Variants in MEI1 observed in about 807,000 individuals in gnomAD.
MEI1 encodes the protein meiotic double-stranded break formation protein 1.
A neutral mutation model predicts 146.2 loss-of-function variants in MEI1; 103 were observed. That is an observed-to-expected ratio of 0.70 (90% CI 0.60 to 0.83). The LOEUF (loss-of-function observed/expected upper bound fraction) is 0.83, where lower values mean the gene tolerates loss of function less well. Among genes scored for constraint, MEI1 ranks in the 40% least tolerant of loss-of-function variants. The probability of loss-of-function intolerance (pLI) is 0.00; values close to 1 mark genes in which losing one functional copy is unlikely to be tolerated. For missense variants in MEI1, 1,529 were observed against 1,533.0 expected (o/e 1.00, Z 0.04); for synonymous variants, 652 against 628.2 (o/e 1.04, Z -0.57).
intron 7 of MEI1, among the ~76,000 whole-genome samples, chr22:41,727,960 A>C (rs1386918045): frequency 6.6e-6 from 1 of 152,156 alleles, no homozygotes; most frequent in African/African-American, 2.4e-5. Flanking sequence ...CCCAGAAGGA[A>C]AACAGGTATT....
At chr22:41,724,472 G>A (rs921164404) in intron 7 of MEI1, among the ~76,000 whole-genome samples, 1 of 152,134 alleles carries the variant, frequency 6.6e-6, no homozygotes, top group African/African-American at 2.4e-5. Flanking sequence ...ACAAACATTA[G>A]CTGGGCGTGG....
intron 19 of MEI1, among the ~76,000 whole-genome samples, chr22:41,766,825 C>G (rs891790353): frequency 8.5e-5 from 13 of 152,220 alleles, no homozygotes; most frequent in Non-Finnish European, 1.5e-5. Context: ...AGCCACTGCT[C>G]CTGTCTCCAG....
At chr22:41,785,234 A>G (rs576307036) in intron 26 of MEI1, among the ~76,000 whole-genome samples, 2 of 135,616 alleles carry the variant, frequency 1.5e-5, no homozygotes, top group South Asian at 2.4e-4. Context: ...CGCGCCTGGC[A>G]TTTTTATTTT....
chr22:41,783,540 C>A (rs147263104), intron 24 of MEI1, among the ~76,000 whole-genome samples: 2,565 of 152,308 alleles, frequency 0.017, 83 homozygotes, highest in African/African-American at 0.057. Flanking sequence ...GATCCACCCA[C>A]CTCAGCATCC....
Position 41,732,590 on chromosome 22 carries a change from T to TCA in MEI1, c.1319_1320insAC (p.Ala441LeufsTer4). ...GGCTGCTGAGGCCTTGAAGGCCACT[T>TCA]CTGCTTTTCTGAGGTGAGAGACCCA... On this transcript the variant is annotated frameshift_variant, in exon 11 of 31. Coordinates refer to ENST00000401548, the MANE Select transcript of MEI1 (RefSeq NM_152513.4). LOFTEE classifies it high-confidence loss of function. 6.2e-7 allele frequency: 1 copy of TCA among 1,613,226 alleles called. No homozygotes were observed. Among genetic ancestry groups the TCA allele is most frequent in the Non-Finnish European group, 8.5e-7 (1 of 1,179,728 alleles).
intron 22 of MEI1, 112 bp from the exon 23 acceptor site, chr22:41,781,172 G>A: frequency 1.4e-6 from 1 of 728,626 alleles, no homozygotes; most frequent in Non-Finnish European, 2.4e-6. Flanking sequence ...GGGATACTTA[G>A]TTTGTGCTTG....
intron 17 of MEI1, among the ~76,000 whole-genome samples, chr22:41,754,995 C>G (rs2074000091): frequency 6.6e-6 from 1 of 152,084 alleles, no homozygotes; most frequent in Non-Finnish European, 1.5e-5. Context: ...AGGTCTGAGT[C>G]AAGTAAAGGA....
intron 18 of MEI1, among the ~76,000 whole-genome samples, chr22:41,758,849 T>G (rs1002686241): frequency 6.6e-5 from 10 of 152,180 alleles, no homozygotes; most frequent in Non-Finnish European, 8.8e-5. Context: ...TTTATTACAT[T>G]TTTAAAATCA....
chr22:41,792,365 A>G (rs2076210009), intron 26 of MEI1, among the ~76,000 whole-genome samples: 1 of 152,180 alleles, frequency 6.6e-6, no homozygotes, highest in African/African-American at 2.4e-5. Context: ...GAGTCACAGG[A>G]ATCTGTGTCA....
At chr22:41,758,683 A>AT in intron 18 of MEI1, 150 bp downstream of exon 18, 1 of 780,388 alleles carries the variant, frequency 1.3e-6, no homozygotes, top group Non-Finnish European at 2.0e-6. Flanking sequence ...TGAGAGGCTC[A>AT]TATCTTAGAA....
At chr22:41,704,369 G>GGTGT (rs2068922650) in intron 2 of MEI1, among the ~76,000 whole-genome samples, 1 of 151,384 alleles carries the variant, frequency 6.6e-6, no homozygotes, top group Non-Finnish European at 1.5e-5. Context: ...AGACACCAGA[G>GGTGT]CACATGGGGT....
At position 41,770,753 on chromosome 22, in the gene MEI1, A is replaced by G. The variant is rs2075131991; in HGVS notation, c.2336A>G (p.His779Arg). The G allele has an allele frequency of 6.2e-7, 1 of 1,613,824 alleles. No homozygotes were observed. The highest frequency in any genetic ancestry group is 8.5e-7 in the Non-Finnish European group (1 of 1,179,874). Residue 779 changes from histidine (H) to arginine (R), a missense_variant, in exon 20 of 31, where the codon CAT (histidine) becomes CGT (arginine). His to Arg is a conservative substitution (Grantham distance 29, BLOSUM62 0). Coordinates refer to ENST00000401548, the MANE Select transcript of MEI1 (RefSeq NM_152513.4). ...GACCTGCAGCTAGTCTATACTCACCATCCGCTCCTGCTCAGGTTCTTTCTG... is the reference window on the plus strand; with the variant it reads ...GACCTGCAGCTAGTCTATACTCACCGTCCGCTCCTGCTCAGGTTCTTTCTG... ...IPDLQLVYTHHPLLLRFFLLY... is the reference protein window; with the variant it reads ...IPDLQLVYTHRPLLLRFFLLY...
intron 19 of MEI1, among the ~76,000 whole-genome samples, chr22:41,766,208 C>T (rs1261530303): frequency 7.1e-6 from 1 of 141,538 alleles, no homozygotes; most frequent in Admixed American, 7.3e-5. Context: ...GAGTTTTGCT[C>T]TGTCGCCCAA....
At chr22:41,779,868 AG>A (rs573622490) in intron 22 of MEI1, among the ~76,000 whole-genome samples, 154 of 152,264 alleles carry the variant, frequency 1.0e-3, no homozygotes, top group African/African-American at 3.4e-3. Context: ...ATCACTTCAC[AG>A]GCAGCACCTG....
chr22:41,798,916 G>A (rs1388957561), intron 30 of MEI1, among the ~76,000 whole-genome samples: 1 of 151,732 alleles, frequency 6.6e-6, no homozygotes, highest in African/African-American at 2.4e-5. Flanking sequence ...CTGTGGCAGT[G>A]GTCAGAGACC....
At chr22:41,741,195 G>GCT (rs1485016336) in intron 11 of MEI1, among the ~76,000 whole-genome samples, 3 of 152,206 alleles carry the variant, frequency 2.0e-5, no homozygotes, top group Admixed American at 6.5e-5. Flanking sequence ...TGGGCTGTGG[G>GCT]TGGGACAAGC....
At chr22:41,793,735 C>A in intron 26 of MEI1, 94 bp from the exon 27 acceptor site, 1 of 1,103,010 alleles carries the variant, frequency 9.1e-7, no homozygotes. Context: ...TTCTGAAATC[C>A]AAGTAACTCT....
Position 41,769,205 on chromosome 22 carries a change from G to A in MEI1, c.2269-1481G>A, listed in dbSNP as rs6002473. On this transcript the variant is annotated intron_variant, in intron 19 of 30. Transcript: ENST00000401548. ...ATAGTAATCAGGATAGTGTGGTACT[G>A]ACATAGGAGTAGACATATAGATCAA... 1.2e-3 allele frequency among the ~76,000 whole-genome samples: 181 copies of A among 152,274 alleles called. 2 individuals carry two copies. The highest frequency in any genetic ancestry group is 4.3e-3 in the African/African-American group (177 of 41,560).
At chr22:41,724,715 C>T (rs2071165468) in intron 7 of MEI1, among the ~76,000 whole-genome samples, 1 of 151,644 alleles carries the variant, frequency 6.6e-6, no homozygotes, top group Non-Finnish European at 1.5e-5. Context: ...TGCTCGAACC[C>T]AGGAGGCGGA....
Sources: gnomAD v4.1 joint callset for allele counts (sites outside exome capture counted in the v4.1 genomes callset) on GRCh38, gnomAD v4.1.1 for gene constraint, MANE v1.5 for transcripts, NCBI Gene and HGNC (gene_info 2026-07-23, HGNC 2026-07-21) for gene names.